Variants in MYH15 observed in about 807,000 individuals in gnomAD.
MYH15 encodes myosin heavy chain 15.
MYH15 carries 227 observed loss-of-function variants against 240.5 expected under a neutral mutation model. The ratio of observed to expected loss-of-function variants is 0.94; its 90% confidence interval spans 0.85 to 1.05. The LOEUF (loss-of-function observed/expected upper bound fraction) is 1.05. MYH15 is among the 50% of genes least tolerant of loss of function. The probability of loss-of-function intolerance (pLI) is 0.00; values close to 1 mark genes in which losing one functional copy is unlikely to be tolerated. For synonymous variants in MYH15, 785 were observed against 796.7 expected (o/e 0.99, Z 0.25); for missense variants, 2,217 against 2,247.5 (o/e 0.99, Z 0.27).
chr3:108,432,658 C>T (rs1206380635), intron 25 of MYH15, among the ~76,000 whole-genome samples: 3 of 152,152 alleles, frequency 2.0e-5, no homozygotes, highest in South Asian at 2.1e-4. Flanking sequence ...GGACTTGGTG[C>T]CCTGCGTCCC....
intron 2 of MYH15, 54 bp downstream of exon 2, chr3:108,505,669 A>T: frequency 1.1e-6 from 1 of 950,106 alleles, no homozygotes; most frequent in Non-Finnish European, 1.6e-6. Context: ...TAATATATTT[A>T]GTTATTTGAT....
the MYH15 span, among the ~76,000 whole-genome samples, chr3:108,541,306 T>C: frequency 2.0e-5 from 3 of 151,468 alleles, no homozygotes; most frequent in African/African-American, 7.3e-5. Context: ...GTCACAATAA[T>C]AAAAATGATG....
intron 11 of MYH15, among the ~76,000 whole-genome samples, chr3:108,483,827 T>C (rs943233830): frequency 2.0e-5 from 3 of 152,186 alleles, no homozygotes; most frequent in East Asian, 3.8e-4. Flanking sequence ...CTAAGTGAAA[T>C]AAGCCAGTTA....
chr3:108,500,029 C>T (rs2083424002), intron 4 of MYH15, 89 bp downstream of exon 4: 1 of 1,410,714 alleles, frequency 7.1e-7, no homozygotes, highest in African/African-American at 1.4e-5. Context: ...AGGCCATGCT[C>T]TGCTCACAAT....
At chr3:108,431,423 T>G (rs2082778378) in intron 25 of MYH15, among the ~76,000 whole-genome samples, 1 of 152,228 alleles carries the variant, frequency 6.6e-6, no homozygotes, top group Non-Finnish European at 1.5e-5. Flanking sequence ...TCTAACAAGA[T>G]CTAACGTTTT....
At chr3:108,546,047 G>A in the MYH15 span, among the ~76,000 whole-genome samples, 1 of 152,120 alleles carries the variant, frequency 6.6e-6, no homozygotes, top group South Asian at 2.1e-4. Context: ...AGTCATATCA[G>A]TTTGTGTTTG....
At chr3:108,401,210 C>T (rs2082502053) in intron 33 of MYH15, among the ~76,000 whole-genome samples, 1 of 152,114 alleles carries the variant, frequency 6.6e-6, no homozygotes, top group Non-Finnish European at 1.5e-5. Context: ...CAGAATATGA[C>T]TATATTTGGA....
At chr3:108,485,063 T>C (rs776676439) in intron 11 of MYH15, 28 bp downstream of exon 11, 4 of 1,611,478 alleles carry the variant, frequency 2.5e-6, no homozygotes, top group South Asian at 2.2e-5. Context: ...ATTTGAAGTA[T>C]ATACCATATC....
In MYH15 at chr3:108,459,393, T is replaced by C; in HGVS notation, c.1989A>G (p.Arg663=). Residue 663 remains arginine, a synonymous_variant, in exon 18 of 41, where the codon AGA becomes AGG. Transcript: ENST00000693548. ...TTTTGTTCACATTGGGATTTATGCA[T>C]CTCACAAAATGAGGTGCTGTTGATT... The part of the protein sequence containing the change: ...NLKSTAPHFV[R]CINPNVNKIP... 1 of 1,604,198 alleles carries C rather than the reference T, an allele frequency of 6.2e-7. No homozygotes were observed. Among genetic ancestry groups the C allele is most frequent in the Non-Finnish European group, 8.5e-7 (1 of 1,176,328 alleles).
At chr3:108,409,969 C>T (rs1291556528) in intron 31 of MYH15, among the ~76,000 whole-genome samples, 1 of 152,076 alleles carries the variant, frequency 6.6e-6, no homozygotes, top group East Asian at 1.9e-4. Context: ...ATGCAAAGAC[C>T]CACAAGGTAC....
chr3:108,521,411 G>C (rs2083617021), intron 1 of MYH15, among the ~76,000 whole-genome samples: 1 of 150,406 alleles, frequency 6.6e-6, no homozygotes, highest in Non-Finnish European at 1.5e-5. Flanking sequence ...AAAAAAAAAG[G>C]AAACTCTTTG....
rs370013713 is a variant in MYH15 at position 108,459,392 on chromosome 3, A to G, written c.1990T>C (p.Cys664Arg). ...ATTTTGTTCACATTGGGATTTATGC[A>G]TCTCACAAAATGAGGTGCTGTTGAT... is the stretch of plus-strand genomic sequence containing the variant. The part of the protein sequence containing the change: ...LKSTAPHFVR[C>R]INPNVNKIPG... Residue 664 changes from cysteine (C) to arginine (R), a missense_variant, in exon 18 of 41, where the codon TGC becomes CGC. Transcript: ENST00000693548. 2.5e-6 allele frequency: 4 copies of G among 1,604,006 alleles called. No homozygotes were observed. The highest frequency in any genetic ancestry group is 2.6e-6 in the Non-Finnish European group (3 of 1,176,290).
intron 33 of MYH15, among the ~76,000 whole-genome samples, chr3:108,400,781 C>T (rs1239722286): frequency 3.3e-5 from 5 of 152,076 alleles, no homozygotes; most frequent in African/African-American, 1.2e-4. Context: ...TGCACTCCAG[C>T]CTGGGCAACA....
intron 27 of MYH15, among the ~76,000 whole-genome samples, chr3:108,427,951 T>C (rs1340360167): frequency 6.6e-6 from 1 of 152,094 alleles, no homozygotes; most frequent in Non-Finnish European, 1.5e-5. Flanking sequence ...ATAGTAACCA[T>C]TTGACATGAC....
intron 2 of MYH15, among the ~76,000 whole-genome samples, chr3:108,504,832 A>G (rs2083462806): frequency 1.3e-5 from 2 of 152,314 alleles, no homozygotes; most frequent in African/African-American, 2.4e-5. Flanking sequence ...GCTGGCGGGT[A>G]TTATGGCTTC....
chr3:108,453,921 C>T (rs2082997105), intron 21 of MYH15, 85 bp downstream of exon 21: 1 of 1,368,540 alleles, frequency 7.3e-7, no homozygotes, highest in Non-Finnish European at 9.9e-7. Flanking sequence ...CAGCTCTTGA[C>T]CTACTATAAG....
chr3:108,473,320 C>G (rs969685275), intron 12 of MYH15, among the ~76,000 whole-genome samples: 1 of 152,144 alleles, frequency 6.6e-6, no homozygotes, highest in African/African-American at 2.4e-5. Flanking sequence ...AAATTTTTAA[C>G]TATGTTGATC....
upstream of MYH15, among the ~76,000 whole-genome samples, chr3:108,533,794 G>A (rs1186723440): frequency 1.3e-5 from 2 of 152,168 alleles, no homozygotes; most frequent in South Asian, 2.1e-4. Flanking sequence ...CGAAAGCCTA[G>A]GTAATGGAAT....
chr3:108,452,001 A>AC (rs2082978231), intron 21 of MYH15, among the ~76,000 whole-genome samples: 1 of 151,640 alleles, frequency 6.6e-6, no homozygotes, highest in South Asian at 2.1e-4. Context: ...AAAAAAAAAA[A>AC]AACCTACAGA....
Sources: allele counts gnomAD v4.1 joint callset (sites outside exome capture counted in the v4.1 genomes callset), GRCh38; gene constraint gnomAD v4.1.1; transcripts MANE v1.5; gene names NCBI Gene and HGNC (gene_info 2026-07-23, HGNC 2026-07-21).